The following SUPT3H variants were observed in gnomAD, a reference collection of about 807,000 sequenced individuals.
SUPT3H encodes the protein transcription initiation protein SPT3 homolog.
SUPT3H carries 44 observed loss-of-function variants against 44.3 expected under a neutral mutation model. The ratio of observed to expected loss-of-function variants is 0.99; its 90% CI spans 0.78 to 1.28. The LOEUF is 1.28. SUPT3H is among the 50% of genes most tolerant of loss of function. The probability of loss-of-function intolerance (pLI) is 0.00; values close to 1 mark genes in which losing one functional copy is unlikely to be tolerated. For missense variants in SUPT3H, 380 were observed against 387.1 expected, an observed-to-expected ratio of 0.98 and a Z score of 0.15; for synonymous variants, 124 against 125.6, an observed-to-expected ratio of 0.99 and a Z score of 0.09.
At chr6:45,196,048 C>G (rs528480105) in intron 2 of SUPT3H, among the ~76,000 whole-genome samples, 18 of 152,132 alleles carry the variant, frequency 1.2e-4, no homozygotes, top group African/African-American at 4.3e-4. Context: ...GACACTAGCA[C>G]GCTAAAAATA....
intron 2 of SUPT3H, among the ~76,000 whole-genome samples, chr6:45,313,528 C>G (rs1395306997): frequency 1.3e-5 from 2 of 151,802 alleles, no homozygotes; most frequent in African/African-American, 4.8e-5. Flanking sequence ...CACACATAAA[C>G]TAGAAAACCT....
chr6:44,905,015 T>C (rs1765757314), intron 10 of SUPT3H, among the ~76,000 whole-genome samples: 1 of 152,034 alleles, frequency 6.6e-6, no homozygotes, highest in Non-Finnish European at 1.5e-5. Flanking sequence ...ATACAAAAAT[T>C]AATTCAAGAT....
chr6:45,310,303 C>G (rs1783739784), intron 2 of SUPT3H, among the ~76,000 whole-genome samples: 1 of 152,088 alleles, frequency 6.6e-6, no homozygotes, highest in Admixed American at 6.5e-5. Flanking sequence ...TGAATTCAGA[C>G]ACACCTAGCC....
chr6:45,350,999 G>T (rs1791894773), intron 2 of SUPT3H, among the ~76,000 whole-genome samples: 1 of 152,062 alleles, frequency 6.6e-6, no homozygotes, highest in Admixed American at 6.6e-5. Flanking sequence ...ACACGCGAAG[G>T]ATCTAAGTTC....
rs377469767 is a variant in SUPT3H, at chr6:44,955,884, G to A, written c.581-1277C>T. On this transcript the variant is annotated intron_variant, in intron 7 of 10. Transcript: ENST00000371459. Reference sequence around the variant, plus strand: ...GCCTGTAATCCCAGCACTTTGGGAGGCCGACGCGGGCCGATCACGAGGTCA... The same window carrying A: ...GCCTGTAATCCCAGCACTTTGGGAGACCGACGCGGGCCGATCACGAGGTCA... Among the ~76,000 whole-genome samples the A allele has an allele frequency of 3.2e-4, 49 of 152,104 alleles. No individual in the cohort carries two copies. The East Asian group carries it at 8.9e-3, about 28-fold the overall frequency.
At chr6:45,100,541 T>TAAAAAA (rs58120512) in intron 3 of SUPT3H, among the ~76,000 whole-genome samples, 598 of 33,426 alleles carry the variant, frequency 0.018, 125 homozygotes, top group South Asian at 0.094. Context: ...ACCCTGTACT[T>TAAAAAA]AAAAAAAAAA....
chr6:44,962,394 T>C (rs1381819004), intron 6 of SUPT3H, among the ~76,000 whole-genome samples: 2 of 152,214 alleles, frequency 1.3e-5, no homozygotes, highest in African/African-American at 4.8e-5. Flanking sequence ...TGATTCAGTA[T>C]AGCAGATGTT....
At chr6:45,127,430 C>G (rs1802612116) in intron 2 of SUPT3H, among the ~76,000 whole-genome samples, 1 of 152,142 alleles carries the variant, frequency 6.6e-6, no homozygotes, top group Non-Finnish European at 1.5e-5. Flanking sequence ...ATTTAAACTC[C>G]ACAACAATAC....
chr6:45,349,803 CAT>C (rs1791648522), intron 2 of SUPT3H, among the ~76,000 whole-genome samples: 1 of 152,210 alleles, frequency 6.6e-6, no homozygotes, highest in Non-Finnish European at 1.5e-5. Context: ...GATTGCTTAA[CAT>C]ACAATTCCAT....
intron 2 of SUPT3H, among the ~76,000 whole-genome samples, chr6:45,155,185 C>T (rs1170801321): frequency 6.6e-6 from 1 of 152,080 alleles, no homozygotes; most frequent in African/African-American, 2.4e-5. Flanking sequence ...GTAGACTTTG[C>T]TTCATAACCA....
At position 45,059,920 on chromosome 6, in the gene SUPT3H, C is replaced by T. The variant is rs924663797; in HGVS notation, c.187-39288G>A. Among the ~76,000 whole-genome samples, 14 of 152,020 alleles carry T rather than the reference C, an allele frequency of 9.2e-5. 1 individual carries two copies. The highest frequency in any genetic ancestry group is 2.9e-4 in the African/African-American group (12 of 41,516). On this transcript the variant is annotated intron_variant, in intron 3 of 10. Transcript: ENST00000371459. ...GAAGGATCTCTTTGAGGAGAACTATCAACCACTGCTCAAGGAAATTACAGA... is the reference window on the plus strand; with the variant it reads ...GAAGGATCTCTTTGAGGAGAACTATTAACCACTGCTCAAGGAAATTACAGA...
chr6:44,986,551 T>C (rs1779820817), intron 6 of SUPT3H, among the ~76,000 whole-genome samples: 1 of 152,140 alleles, frequency 6.6e-6, no homozygotes, highest in South Asian at 2.1e-4. Flanking sequence ...AGTCGAAATC[T>C]TTACAATACT....
chr6:44,813,818 AAAT>A (rs746709966), intron 11 of SUPT3H, among the ~76,000 whole-genome samples: 3 of 152,108 alleles, frequency 2.0e-5, no homozygotes, highest in Non-Finnish European at 2.9e-5. Context: ...AGAGAAAAGG[AAAT>A]AAGAAATACA....
intron 2 of SUPT3H, among the ~76,000 whole-genome samples, chr6:45,238,708 C>T (rs1366415359): frequency 6.6e-6 from 1 of 152,140 alleles, no homozygotes; most frequent in Non-Finnish European, 1.5e-5. Context: ...TCTATAACTC[C>T]TTATTTGGAT....
intron 2 of SUPT3H, among the ~76,000 whole-genome samples, chr6:45,121,398 T>G (rs1801635968): frequency 6.6e-6 from 1 of 152,150 alleles, no homozygotes; most frequent in Non-Finnish European, 1.5e-5. Flanking sequence ...TGTAAACAAT[T>G]TGACTTCCTG....
intron 10 of SUPT3H, among the ~76,000 whole-genome samples, chr6:44,860,961 T>C (rs1267251404): frequency 6.6e-6 from 1 of 152,216 alleles, no homozygotes; most frequent in Non-Finnish European, 1.5e-5. Context: ...CTTTTGCCAA[T>C]GATGTACATT....
rs138248248 is a variant in SUPT3H, at chr6:45,091,140, T to C, written c.186+14782A>G. ...GATTTCTATTTTAATGTTATGAAAT[T>C]ATAACTTATGCCTACATTATGTTTT... is the stretch of plus-strand genomic sequence containing the variant. On this transcript the variant is annotated intron_variant, in intron 3 of 10. Transcript: ENST00000371459. Among the ~76,000 whole-genome samples the C allele has an allele frequency of 1.8e-3, 278 of 152,116 alleles. 3 individuals carry two copies. Among genetic ancestry groups the C allele is most frequent in the African/African-American group, 6.5e-3 (269 of 41,562 alleles).
At chr6:45,163,109 A>G (rs1205468577) in intron 2 of SUPT3H, among the ~76,000 whole-genome samples, 1 of 152,186 alleles carries the variant, frequency 6.6e-6, no homozygotes, top group African/African-American at 2.4e-5. Flanking sequence ...ATTAGTGAGC[A>G]ATATGGAATT....
At chr6:45,296,738 C>CAAAAAAGAAAAA (rs1781306710) in intron 2 of SUPT3H, among the ~76,000 whole-genome samples, 1 of 29,710 alleles carries the variant, frequency 3.4e-5, no homozygotes, top group Non-Finnish European at 6.7e-5. Flanking sequence ...GACTCTGTCT[C>CAAAAAAGAAAAA]AAAAAAAAAA....
Sources: gnomAD v4.1 joint callset for allele counts (sites outside exome capture counted in the v4.1 genomes callset) on GRCh38, gnomAD v4.1.1 for gene constraint, MANE v1.5 for transcripts, NCBI Gene and HGNC (gene_info 2026-07-23, HGNC 2026-07-21) for gene names.